Variants in ZHX2 observed in about 807,000 individuals in gnomAD.
ZHX2 encodes the protein zinc fingers and homeoboxes 2, also known as zinc fingers and homeoboxes protein 2.
ZHX2 carries 6 observed loss-of-function variants against 21.9 expected under a neutral mutation model. The ratio of observed to expected loss-of-function variants is 0.27; its 90% CI spans 0.15 to 0.54. ZHX2 has a LOEUF of 0.54. ZHX2 is among the 20% of genes least tolerant of loss of function. ZHX2 has a pLI of 0.95. For missense variants in ZHX2, 908 were observed against 1,090.7 expected (o/e 0.83, Z 2.36); for synonymous variants, 434 against 437.1 (o/e 0.99, Z 0.09).
intron 1 of ZHX2, among the ~76,000 whole-genome samples, chr8:122,803,060 C>T (rs931288450): frequency 6.8e-6 from 1 of 148,126 alleles, no homozygotes; most frequent in Non-Finnish European, 1.5e-5. Flanking sequence ...GTGTTGGTGG[C>T]GTGGTCTGAG....
intron 2 of ZHX2, among the ~76,000 whole-genome samples, chr8:122,947,788 CA>C: frequency 6.6e-6 from 1 of 151,126 alleles, no homozygotes; most frequent in African/African-American, 2.4e-5. Flanking sequence ...GAGGTCCTGA[CA>C]GAGCCACTGG....
chr8:122,849,745 C>T (rs1042198944), intron 1 of ZHX2, among the ~76,000 whole-genome samples: 8 of 152,144 alleles, frequency 5.3e-5, no homozygotes, highest in East Asian at 1.9e-4. Context: ...CAAATAAGCT[C>T]GCATTCATGG....
intron 2 of ZHX2, among the ~76,000 whole-genome samples, chr8:122,875,142 T>C (rs1385507539): frequency 1.1e-3 from 3 of 2,798 alleles, no homozygotes; most frequent in African/African-American, 2.6e-3. Flanking sequence ...TATATATATA[T>C]ATATATATAT....
intron 2 of ZHX2, among the ~76,000 whole-genome samples, chr8:122,882,578 G>T (rs2129796061): frequency 6.6e-6 from 1 of 152,178 alleles, no homozygotes; most frequent in East Asian, 1.9e-4. Context: ...CAGCAGTGCT[G>T]ACCACTTCCT....
intron 2 of ZHX2, among the ~76,000 whole-genome samples, chr8:122,891,694 T>C (rs1406983140): frequency 1.3e-5 from 2 of 152,212 alleles, no homozygotes; most frequent in African/African-American, 4.8e-5. Flanking sequence ...AGTGGTCATT[T>C]AGGAACATGT....
chr8:122,792,114 G>A (rs1389536481), intron 1 of ZHX2, among the ~76,000 whole-genome samples: 1 of 152,094 alleles, frequency 6.6e-6, no homozygotes, highest in Non-Finnish European at 1.5e-5. Flanking sequence ...GTACCCATTA[G>A]CAGTTACTCT....
At position 122,875,173 on chromosome 8, in the gene ZHX2, A is replaced by T. The variant is rs1468819021; in HGVS notation, c.-220+11634A>T. On this transcript the variant is annotated intron_variant, in intron 2 of 3. Transcript: ENST00000314393. ...TATATATATATATATATATATATAT[A>T]TATATATATATATATATATATCCTT... Among the ~76,000 whole-genome samples, 239 of 30,406 alleles carry T rather than the reference A, an allele frequency of 7.9e-3. 12 individuals are homozygous for T. The highest frequency in any genetic ancestry group is 0.024 in the African/African-American group (226 of 9,294). 19.9% of individuals were successfully genotyped at this position (30,406 alleles called of 152,430 possible).
At chr8:122,880,183 A>G (rs1398779801) in intron 2 of ZHX2, among the ~76,000 whole-genome samples, 1 of 151,966 alleles carries the variant, frequency 6.6e-6, no homozygotes, top group South Asian at 2.1e-4. Flanking sequence ...CATGTTGGCC[A>G]GGCTGGTCTC....
Position 122,953,701 on chromosome 8 carries a change from T to G in ZHX2, c.2191T>G (p.Tyr731Asp). The G allele has an allele frequency of 2.5e-6, 4 of 1,614,170 alleles. No homozygotes were observed. Among genetic ancestry groups the G allele is most frequent in the Non-Finnish European group, 3.4e-6 (4 of 1,180,028 alleles). Reference protein sequence around the residue: ...KNGGDVVPQYYKDPKKLCEED... With the variant: ...KNGGDVVPQYDKDPKKLCEED... ...CGGGGGTGATGTGGTTCCACAATAT[T>G]ACAAGGACCCCAAAAAGCTCTGCGA... is the stretch of plus-strand genomic sequence containing the variant. Residue 731 changes from tyrosine to aspartate, a missense_variant, in exon 3 of 4, where the codon TAC (tyrosine) becomes GAC (aspartate). Physicochemically the swap from Tyr to Asp is radical, Grantham distance 160 (BLOSUM62 -3). This residue lies in a region of ZHX2 where 431 missense variants were observed against 428.6 expected (regional missense o/e 1.01). Transcript: ENST00000314393. This position sits in a 1 kb window ranked among gnomAD's most constrained non-coding sequence, Gnocchi z 4.6.
In ZHX2 at chr8:122,974,059, C is replaced by A. The variant is rs1280139572; in HGVS notation, c.*822C>A. On this transcript the variant is annotated 3_prime_UTR_variant, in exon 4 of 4. Transcript: ENST00000314393. Reference sequence around the variant, plus strand: ...TTTCTAAATACCAGCAGAAGAGGCTCCCGCCTCTGTTAGCATGATCAGTAC... The same window carrying A: ...TTTCTAAATACCAGCAGAAGAGGCTACCGCCTCTGTTAGCATGATCAGTAC... 2.0e-5 allele frequency: 3 copies of A among 152,636 alleles called. No individual in the cohort carries two copies. The highest frequency in any genetic ancestry group is 4.4e-5 in the Non-Finnish European group (3 of 68,058). The allele number at this position is 152,636 out of a possible 1,614,324, so 9.5% of individuals were successfully genotyped here.
At chr8:122,859,128 C>T (rs1252237436) in intron 1 of ZHX2, among the ~76,000 whole-genome samples, 1 of 152,232 alleles carries the variant, frequency 6.6e-6, no homozygotes, top group Non-Finnish European at 1.5e-5. Flanking sequence ...GGACACAGAA[C>T]ACGTGTGAGA....
At chr8:122,836,925 G>C (rs984368233) in intron 1 of ZHX2, among the ~76,000 whole-genome samples, 2 of 152,158 alleles carry the variant, frequency 1.3e-5, no homozygotes, top group African/African-American at 4.8e-5. Flanking sequence ...TGAGGTAGGA[G>C]GTCCGCACAA....
At chr8:122,785,728 A>C (rs1160510095) in intron 1 of ZHX2, among the ~76,000 whole-genome samples, 1 of 152,214 alleles carries the variant, frequency 6.6e-6, no homozygotes, top group Non-Finnish European at 1.5e-5. Flanking sequence ...CAGGGAGGGC[A>C]TGTGCCGCCT....
intron 1 of ZHX2, among the ~76,000 whole-genome samples, chr8:122,786,439 A>T (rs774243175): frequency 3.9e-5 from 6 of 152,086 alleles, no homozygotes; most frequent in Non-Finnish European, 7.4e-5. Context: ...TACCTTTATG[A>T]CTTTGAGCTG....
At position 122,855,495 on chromosome 8, in the gene ZHX2, C is replaced by A. The variant is rs892012576; in HGVS notation, c.-282-7982C>A. 2.0e-5 allele frequency among the ~76,000 whole-genome samples: 3 copies of A among 152,086 alleles called. No homozygotes were observed. The South Asian group carries it at 6.2e-4, about 32-fold the overall frequency. ...AGGGGGCAGGGAAGGGAGAGATGGA[C>A]TTCCAAATCCCTGTCTTAACTGCGC... On this transcript the variant is annotated intron_variant, in intron 1 of 3. Coordinates refer to ENST00000314393, the MANE Select transcript of ZHX2 (RefSeq NM_014943.5).
rs566562947 is a variant in ZHX2 at position 122,963,995 on chromosome 8, T to C, written c.*5-9247T>C. 2.6e-5 allele frequency among the ~76,000 whole-genome samples: 4 copies of C among 152,308 alleles called. No homozygotes were observed. In the East Asian group the frequency reaches 7.7e-4, roughly 29 times the overall value. On this transcript the variant is annotated intron_variant, in intron 3 of 3. Transcript: ENST00000314393. ...GGTAGTGCCACTGATTTGTGTACAT[T>C]GATTTTGTATTCTGAAACACTGAAT...
At chr8:122,935,536 C>CTTT (rs397795298) in intron 2 of ZHX2, among the ~76,000 whole-genome samples, 12 of 133,890 alleles carry the variant, frequency 9.0e-5, no homozygotes, top group Admixed American at 2.3e-4. Flanking sequence ...TTGAGAGTAA[C>CTTT]TTTTTTTTTT....
chr8:122,887,707 C>A (rs1819878327), intron 2 of ZHX2, among the ~76,000 whole-genome samples: 1 of 152,060 alleles, frequency 6.6e-6, no homozygotes, highest in South Asian at 2.1e-4. Context: ...TAGAAGGAGC[C>A]CCCGGAAAAG....
Position 122,838,244 on chromosome 8 carries a change from G to A in ZHX2, c.-282-25233G>A, listed in dbSNP as rs534585476. ...CCAGGGGCACTTCCTGGGTATCAAG[G>A]AACGTTTAAAAATGGTATTACATCA... On this transcript the variant is annotated intron_variant, in intron 1 of 3. Coordinates refer to ENST00000314393, the MANE Select transcript of ZHX2 (RefSeq NM_014943.5). Among the ~76,000 whole-genome samples the A allele has an allele frequency of 2.0e-5, 3 of 152,298 alleles. No homozygotes were observed. In the East Asian group the frequency reaches 5.8e-4, roughly 29 times the overall value.
Sources: gnomAD v4.1 joint callset for allele counts (sites outside exome capture counted in the v4.1 genomes callset) on GRCh38, gnomAD v4.1.1 for gene constraint, gnomAD v4.1.1 regional missense constraint, Gnocchi (gnomAD v3.1) non-coding constraint, MANE v1.5 for transcripts, NCBI Gene and HGNC (gene_info 2026-07-23, HGNC 2026-07-21) for gene names.